LITAF: variants seen among roughly 807,000 people sequenced by gnomAD.
The protein encoded by LITAF is lipopolysaccharide-induced tumor necrosis factor-alpha factor.
LITAF carries 9 observed loss-of-function variants against 14.5 expected under a neutral mutation model. The ratio of observed to expected loss-of-function variants is 0.62; its 90% CI spans 0.37 to 1.08. The LOEUF is 1.08. Ranked by LOEUF, LITAF falls within the 50% of genes least tolerant of loss-of-function variation. LITAF has a pLI of 0.01. For missense variants in LITAF, 206 were observed against 213.4 expected (o/e 0.97, Z 0.22); for synonymous variants, 98 against 88.2 (o/e 1.11, Z -0.62).
chr16:11,606,483 A>C (rs2064955756), intron 3 of LITAF, among the ~76,000 whole-genome samples: 1 of 152,016 alleles, frequency 6.6e-6, no homozygotes. Flanking sequence ...AAGTTCCTGA[A>C]GGAAATTAAA....
chr16:11,603,770 C>T lies in LITAF; in HGVS notation c.85+29763G>A, dbSNP rs368998220. Among the ~76,000 whole-genome samples the T allele has an allele frequency of 9.9e-5, 15 of 152,194 alleles. 1 individual carries two copies. The highest frequency in any genetic ancestry group is 9.6e-4 in the East Asian group (5 of 5,202). On this transcript the variant is annotated intron_variant, in intron 3 of 3. Transcript: ENST00000574848. ...ATTTAAGAATCCACTAGAGGCCGGG[C>T]GCAGGGGCTCACGCCTGTAATCCCA...
At chr16:11,581,182 T>G (rs948360814) in intron 1 of LITAF, among the ~76,000 whole-genome samples, 1 of 152,246 alleles carries the variant, frequency 6.6e-6, no homozygotes, top group Admixed American at 6.5e-5. Flanking sequence ...TTGTATGTAT[T>G]TTCATCCGTT....
At chr16:11,604,644 TAAAAAA>T (rs67633068) in intron 3 of LITAF, among the ~76,000 whole-genome samples, 17 of 128,556 alleles carry the variant, frequency 1.3e-4, no homozygotes, top group East Asian at 2.3e-4. Context: ...CTGTCTCTCT[TAAAAAA>T]AAAAAAAAAA....
At position 11,577,422 on chromosome 16, in the gene LITAF, A is replaced by C. The variant is rs190458279; in HGVS notation, c.-6+9464T>G. 4.2e-3 allele frequency among the ~76,000 whole-genome samples: 638 copies of C among 150,684 alleles called. 2 individuals are homozygous for C. The highest frequency in any genetic ancestry group is 7.0e-3 in the Middle Eastern group (2 of 284). ...AAGCTCCACCTTCCAGGTTCAAGCAATTGTCCTGCCTCAGCCTCCCGAGTA... is the reference window on the plus strand; with the variant it reads ...AAGCTCCACCTTCCAGGTTCAAGCACTTGTCCTGCCTCAGCCTCCCGAGTA... On this transcript the variant is annotated intron_variant, in intron 1 of 3. Transcript: ENST00000622633.
intron 3 of LITAF, among the ~76,000 whole-genome samples, chr16:11,613,132 T>C (rs2064993076): frequency 6.6e-6 from 1 of 152,182 alleles, no homozygotes; most frequent in African/African-American, 2.4e-5. Flanking sequence ...CTCCATCTCC[T>C]GGGTTCAAGC....
rs1370921460 is a variant in LITAF at position 11,632,351 on chromosome 16, A to G, written c.85+1182T>C. On this transcript the variant is annotated intron_variant, in intron 3 of 3. Coordinates refer to the LITAF transcript ENST00000574848. The surrounding 1 kb of genome is among the most constrained non-coding windows in gnomAD (Gnocchi z 4.8). ...GTGAGGACGACTGGCTCAACCCTGG[A>G]GAGAAGGTGAAGGAGGCACCGAGAT... Among the ~76,000 whole-genome samples the G allele has an allele frequency of 1.3e-5, 2 of 151,982 alleles. No individual in the cohort carries two copies. Among genetic ancestry groups the G allele is most frequent in the African/African-American group, 2.4e-5 (1 of 41,354 alleles).
rs2064139179 is a variant in LITAF, at chr16:11,548,666, A to G, written c.*971T>C. ...TCATTTGATTACAGAAAATGGTTTTATAAATCCTCCTCTTGAAATTATGTT... is the reference window on the plus strand; with the variant it reads ...TCATTTGATTACAGAAAATGGTTTTGTAAATCCTCCTCTTGAAATTATGTT... On this transcript the variant is annotated 3_prime_UTR_variant, in exon 4 of 4. Transcript: ENST00000622633. The G allele has an allele frequency of 2.2e-6, 1 of 453,520 alleles. No individual in the cohort carries two copies. Among genetic ancestry groups the G allele is most frequent in the Non-Finnish European group, 4.4e-6 (1 of 226,724 alleles). 28.1% of individuals were successfully genotyped at this position (453,520 alleles called of 1,614,324 possible).
intron 1 of LITAF, among the ~76,000 whole-genome samples, chr16:11,571,619 G>C (rs2064542403): frequency 6.6e-6 from 1 of 152,082 alleles, no homozygotes; most frequent in Admixed American, 6.5e-5. Flanking sequence ...GAACCCCCAG[G>C]CATCTGTCTG....
intron 2 of LITAF, among the ~76,000 whole-genome samples, chr16:11,555,580 G>A (rs1027868075): frequency 1.9e-4 from 29 of 151,486 alleles, no homozygotes; most frequent in African/African-American, 6.8e-4. Context: ...GATCACTTGA[G>A]CCCAGGAGGT....
At chr16:11,583,630 A>T (rs1008491424) in intron 1 of LITAF, among the ~76,000 whole-genome samples, 2 of 152,210 alleles carry the variant, frequency 1.3e-5, no homozygotes, top group Non-Finnish European at 2.9e-5. Flanking sequence ...TTTAATAAAA[A>T]ATTTCAAACT....
chr16:11,557,542 C>G (rs1404576919), intron 1 of LITAF, among the ~76,000 whole-genome samples: 2 of 152,082 alleles, frequency 1.3e-5, no homozygotes. Context: ...CTCCACCACC[C>G]AGGCTCAGGT....
intron 3 of LITAF, among the ~76,000 whole-genome samples, chr16:11,617,830 T>C (rs1469734301): frequency 3.9e-5 from 6 of 152,078 alleles, no homozygotes; most frequent in Admixed American, 3.9e-4. Flanking sequence ...TAAATTTCCT[T>C]CCCTCCGTAA....
upstream of LITAF, among the ~76,000 whole-genome samples, chr16:11,603,104 T>C (rs536711731): frequency 1.1e-4 from 17 of 151,870 alleles, no homozygotes; most frequent in Admixed American, 2.0e-4. Context: ...ATCTAGAAAA[T>C]AAAATAGAAC....
At chr16:11,603,007 G>A (rs766663035), upstream of LITAF, among the ~76,000 whole-genome samples, 2 of 152,078 alleles carry the variant, frequency 1.3e-5, no homozygotes, top group East Asian at 1.9e-4. Flanking sequence ...CCAGCTACTC[G>A]GGAGGCTGAG....
chr16:11,596,951 C>T (rs8063597), intron 1 of LITAF, among the ~76,000 whole-genome samples: 52,202 of 151,932 alleles, frequency 0.34, 9,162 homozygotes, highest in East Asian at 0.53. Flanking sequence ...TACAACAATC[C>T]AGCTGTTTTA....
intron 3 of LITAF, among the ~76,000 whole-genome samples, chr16:11,618,854 G>A (rs530640458): frequency 2.0e-5 from 3 of 151,912 alleles, no homozygotes. Flanking sequence ...GTGGTGGTGG[G>A]TGCCTGTAAT....
intron 1 of LITAF, among the ~76,000 whole-genome samples, chr16:11,563,188 G>A (rs139819082): frequency 0.018 from 2,748 of 151,698 alleles, 38 homozygotes; most frequent in Middle Eastern, 0.044. Flanking sequence ...TCACTCTGTC[G>A]CCTAGACTGG....
chr16:11,553,367 C>T lies in LITAF; in HGVS notation c.377+166G>A, dbSNP rs1209551491. The T allele has an allele frequency of 7.0e-6, 5 of 719,344 alleles. No homozygotes were observed. The African/African-American group carries it at 7.0e-5, about 10-fold the overall frequency. 44.6% of individuals were successfully genotyped at this position (719,344 alleles called of 1,614,324 possible). The stretch of plus-strand genomic sequence containing the variant: ...TGGGGGTTACAGTGAGCCGAGATCG[C>T]CCCACTGTACTCCAGCCTGGGCGAC... On this transcript the variant is annotated intron_variant, in intron 3 of 3. Coordinates refer to ENST00000622633, the MANE Select transcript of LITAF (RefSeq NM_001136472.2). The surrounding 1 kb of genome is among the most constrained non-coding windows in gnomAD (Gnocchi z 7.7).
In LITAF at chr16:11,554,056, C is replaced by T. The variant is rs528508565; in HGVS notation, c.221-367G>A. 9.1e-4 allele frequency among the ~76,000 whole-genome samples: 139 copies of T among 152,100 alleles called. 1 individual carries two copies. Among genetic ancestry groups the T allele is most frequent in the African/African-American group, 3.1e-3 (130 of 41,480 alleles). ...GATCAGCCTAGGCAACATGACAAGA[C>T]CTCATCTCTACAAAAAAATATAAAA... is the stretch of plus-strand genomic sequence containing the variant. On this transcript the variant is annotated intron_variant, in intron 2 of 3. Coordinates refer to ENST00000622633, the MANE Select transcript of LITAF (RefSeq NM_001136472.2).
Sources: allele counts gnomAD v4.1 joint callset (sites outside exome capture counted in the v4.1 genomes callset), GRCh38; gene constraint gnomAD v4.1.1; non-coding constraint Gnocchi (gnomAD v3.1); transcripts MANE v1.5; gene names NCBI Gene and HGNC (gene_info 2026-07-23, HGNC 2026-07-21).